SAMSN1: variants seen among roughly 807,000 people sequenced by gnomAD.
The protein encoded by SAMSN1 is SAM domain, SH3 domain and nuclear localization signals 1.
A neutral mutation model predicts 42.0 loss-of-function variants in SAMSN1; 31 were observed. That is an observed-to-expected ratio of 0.74 (90% CI 0.55 to 1.00). The LOEUF (loss-of-function observed/expected upper bound fraction) is 1.00. Ranked by LOEUF, SAMSN1 falls within the 50% of genes least tolerant of loss-of-function variation. The pLI, the probability that SAMSN1 is intolerant of heterozygous loss-of-function variation, is 0.00. For synonymous variants in SAMSN1, 178 were observed against 151.9 expected (o/e 1.17, Z -1.26); for missense variants, 464 against 439.4 (o/e 1.06, Z -0.50).
chr21:14,529,267 G>C (rs745429564), intron 1 of SAMSN1, among the ~76,000 whole-genome samples: 1 of 152,122 alleles, frequency 6.6e-6, no homozygotes. Context: ...ACCCTTTTCC[G>C]ATGCCATTTA....
rs545683720 is a variant in SAMSN1 at position 14,519,416 on chromosome 21, T to A, written c.129+1734A>T. 2.4e-4 allele frequency among the ~76,000 whole-genome samples: 36 copies of A among 152,238 alleles called. No homozygotes were observed. In the East Asian group the frequency reaches 6.9e-3, roughly 29 times the overall value. Reference sequence around the variant, plus strand: ...ATAAACTAAATAGCAGTAGAATATATGTATGATTGTGGAGAATTAAAAATT... The same window carrying A: ...ATAAACTAAATAGCAGTAGAATATAAGTATGATTGTGGAGAATTAAAAATT... On this transcript the variant is annotated intron_variant, in intron 2 of 7. Coordinates refer to ENST00000400566, the MANE Select transcript of SAMSN1 (RefSeq NM_022136.5).
chr21:14,646,585 C>T (rs573333689), intron 1 of SAMSN1, among the ~76,000 whole-genome samples: 1 of 152,242 alleles, frequency 6.6e-6, no homozygotes, highest in East Asian at 1.9e-4. Flanking sequence ...GTACAAAACT[C>T]ACTGGTAATA....
intron 3 of SAMSN1, among the ~76,000 whole-genome samples, chr21:14,515,466 A>G (rs1987873013): frequency 1.3e-5 from 2 of 152,110 alleles, no homozygotes; most frequent in Admixed American, 6.5e-5. Flanking sequence ...ATGAAGGTGG[A>G]CTCTTCCTAT....
chr21:14,635,579 A>C (rs1243885635), intron 2 of SAMSN1, among the ~76,000 whole-genome samples: 1 of 152,174 alleles, frequency 6.6e-6, no homozygotes, highest in Non-Finnish European at 1.5e-5. Flanking sequence ...AGTAAAAATC[A>C]ATACTTTTAG....
chr21:14,512,703 A>C (rs779808207), intron 3 of SAMSN1, 130 bp from the exon 4 acceptor site: 1 of 818,990 alleles, frequency 1.2e-6, no homozygotes, highest in Non-Finnish European at 1.9e-6. Flanking sequence ...TAAAATACAA[A>C]AGTAGTTCAT....
At chr21:14,552,074 T>G (rs1383878440) in intron 2 of SAMSN1, among the ~76,000 whole-genome samples, 1 of 152,106 alleles carries the variant, frequency 6.6e-6, no homozygotes, top group East Asian at 1.9e-4. Flanking sequence ...TAAAAAAATT[T>G]GAAACCAGTA....
chr21:14,511,513 A>G lies in SAMSN1; in HGVS notation c.409+931T>C, dbSNP rs548549060. Among the ~76,000 whole-genome samples, 4 of 152,380 alleles carry G rather than the reference A, an allele frequency of 2.6e-5. No individual in the cohort carries two copies. In the East Asian group the frequency reaches 5.8e-4, roughly 22 times the overall value. ...GTTTCTGTGTTAGCTTTTGTCACAA[A>G]ATAACTATTCTACAGCCAATAGGAA... is the stretch of plus-strand genomic sequence containing the variant. On this transcript the variant is annotated intron_variant, in intron 4 of 7. Coordinates refer to ENST00000400566, the MANE Select transcript of SAMSN1 (RefSeq NM_022136.5).
At chr21:14,510,923 T>A (rs1987663080) in intron 4 of SAMSN1, among the ~76,000 whole-genome samples, 1 of 152,216 alleles carries the variant, frequency 6.6e-6, no homozygotes, top group Non-Finnish European at 1.5e-5. Flanking sequence ...AATATCTGCA[T>A]CCCCATGTGG....
intron 5 of SAMSN1, among the ~76,000 whole-genome samples, chr21:14,608,920 T>C (rs767670168): frequency 1.3e-5 from 2 of 152,154 alleles, no homozygotes; most frequent in Non-Finnish European, 2.9e-5. Context: ...TCTTAAGACT[T>C]TCTGTTTTAT....
At chr21:14,574,910 C>G (rs1020773704) in intron 2 of SAMSN1, among the ~76,000 whole-genome samples, 4 of 152,130 alleles carry the variant, frequency 2.6e-5, no homozygotes, top group African/African-American at 4.8e-5. Flanking sequence ...GTTTGCATGT[C>G]TGGCGAGACC....
At chr21:14,642,648 T>C (rs1016778515) in intron 2 of SAMSN1, among the ~76,000 whole-genome samples, 1 of 152,230 alleles carries the variant, frequency 6.6e-6, no homozygotes, top group Non-Finnish European at 1.5e-5. Flanking sequence ...TATGTATCTG[T>C]TTAAATGCCA....
chr21:14,629,733 G>A (rs938502632), intron 2 of SAMSN1, among the ~76,000 whole-genome samples: 2 of 152,126 alleles, frequency 1.3e-5, no homozygotes, highest in African/African-American at 2.4e-5. Context: ...TTTGCCATTT[G>A]TCTACTAGTG....
chr21:14,503,297 G>C (rs545408822), intron 5 of SAMSN1, among the ~76,000 whole-genome samples: 3 of 152,230 alleles, frequency 2.0e-5, no homozygotes, highest in Admixed American at 6.5e-5. Context: ...GCCAACTGCC[G>C]TATTGTAGAG....
chr21:14,619,481 G>A (rs1352793505), intron 2 of SAMSN1, among the ~76,000 whole-genome samples: 1 of 152,162 alleles, frequency 6.6e-6, no homozygotes, highest in East Asian at 1.9e-4. Context: ...AGCATATAGT[G>A]CTTTACCTTA....
At chr21:14,538,818 G>A (rs1979807571) in intron 1 of SAMSN1, among the ~76,000 whole-genome samples, 1 of 152,028 alleles carries the variant, frequency 6.6e-6, no homozygotes, top group African/African-American at 2.4e-5. Context: ...CACTAATGGT[G>A]TCTCATTTAG....
intron 2 of SAMSN1, among the ~76,000 whole-genome samples, chr21:14,636,007 G>A (rs1487249013): frequency 2.0e-5 from 3 of 152,020 alleles, no homozygotes; most frequent in Non-Finnish European, 4.4e-5. Flanking sequence ...TCCCTGCCCT[G>A]TGTCCAAGTG....
chr21:14,489,431 T>G lies in SAMSN1; in HGVS notation c.920-3317A>C, dbSNP rs137919964. On this transcript the variant is annotated intron_variant, in intron 7 of 7. Transcript: ENST00000400566. ...AACTTACAAACAAAAGTGTTCAAAT[T>G]TGTTAATTTTCCCTCTATTTCTCAG... Among the ~76,000 whole-genome samples, 1,071 of 152,278 alleles carry G rather than the reference T, an allele frequency of 7.0e-3. 16 individuals carry two copies. Among genetic ancestry groups the G allele is most frequent in the African/African-American group, 0.025 (1,035 of 41,554 alleles).
exon 5 of SAMSN1, chr21:14,609,483 T>C: frequency 1.4e-6 from 1 of 717,950 alleles, no homozygotes; most frequent in South Asian, 1.5e-5. Context: ...AGCAATTACC[T>C]TTTAGCTGAC....
exon 2 of SAMSN1, chr21:14,582,315 C>G: frequency 6.4e-7 from 1 of 1,550,616 alleles, no homozygotes; most frequent in Non-Finnish European, 8.7e-7. Flanking sequence ...TCATACCAAG[C>G]TAATTTATCT....
Sources: gnomAD v4.1 joint callset for allele counts (sites outside exome capture counted in the v4.1 genomes callset) on GRCh38, gnomAD v4.1.1 for gene constraint, MANE v1.5 for transcripts, NCBI Gene and HGNC (gene_info 2026-07-23, HGNC 2026-07-21) for gene names.